The following CRAMP1 variants were observed in gnomAD, a reference collection of about 807,000 sequenced individuals.
CRAMP1 encodes protein cramped-like.
In CRAMP1, 50 loss-of-function variants were observed where a neutral mutation model predicts 115.4. The observed-to-expected ratio is 0.43, with a 90% CI of 0.35 to 0.55. The LOEUF is 0.55. Among genes scored for constraint, CRAMP1 ranks in the 20% least tolerant of loss-of-function variants. The pLI is 0.01. For missense variants in CRAMP1, 1,679 were observed against 1,721.7 expected, an observed-to-expected ratio of 0.98 and a Z score of 0.44; for synonymous variants, 866 against 745.4, an observed-to-expected ratio of 1.16 and a Z score of -2.64.
rs2036927189 is a variant in CRAMP1, at chr16:1,672,025, C to G, written c.3645+1216C>G. On this transcript the variant is annotated intron_variant, in intron 20 of 20. Transcript: ENST00000397412. The surrounding 1 kb of genome is among the most constrained non-coding windows in gnomAD (Gnocchi z 4.9). ...CCGAGAAGCCAGTCTCTGTCTCTTC[C>G]CCTGTTTGTGCGCATGTTCCTAAGT... 6.6e-6 allele frequency among the ~76,000 whole-genome samples: 1 copy of G among 152,190 alleles called. No homozygotes were observed. The highest frequency in any genetic ancestry group is 1.5e-5 in the Non-Finnish European group (1 of 68,036).
Position 1,632,338 on chromosome 16 carries a change from A to G in CRAMP1, c.667A>G (p.Ile223Val). The G allele has an allele frequency of 1.3e-6, 2 of 1,597,834 alleles. No homozygotes were observed. Among genetic ancestry groups the G allele is most frequent in the Non-Finnish European group, 8.5e-7 (1 of 1,172,634 alleles). The stretch of plus-strand genomic sequence containing the variant: ...CTTCTACTACCGCACCTGGCACAAG[A>G]TCACCAAGTACATCGACTTTGATCA... ...RHFYYRTWHK[I>V]TKYIDFDHVF... Residue 223 changes from isoleucine to valine, a missense_variant, in exon 4 of 21, where the codon ATC becomes GTC. Around this residue, in one of 8 missense-constraint regions of CRAMP1, gnomAD observed 44 missense variants for 92.4 expected, o/e 0.48. Coordinates refer to ENST00000397412, the MANE Select transcript of CRAMP1 (RefSeq NM_020825.4).
Position 1,656,353 on chromosome 16 carries a change from C to T in CRAMP1, c.1596C>T (p.Asp532=), listed in dbSNP as rs766512234. The part of the protein sequence containing the change: ...CLEKTPAEGR[D]SPTREPGALP... ...AGAAGACCCCTGCAGAAGGCAGGGA[C>T]AGTCCCACCCGGGAGCCAGGGGCCT... is the stretch of plus-strand genomic sequence containing the variant. The change falls in exon 10 of 21, where the codon GAC becomes GAT. Residue 532 remains aspartate, a synonymous_variant. Coordinates refer to ENST00000397412, the MANE Select transcript of CRAMP1 (RefSeq NM_020825.4). The surrounding 1 kb of genome is among the most constrained non-coding windows in gnomAD (Gnocchi z 5.6). The T allele has an allele frequency of 1.9e-6, 3 of 1,605,422 alleles. No individual in the cohort carries two copies. The South Asian group carries it at 3.3e-5, about 18-fold the overall frequency.
intron 4 of CRAMP1, 94 bp downstream of exon 4, chr16:1,632,459 T>G: frequency 1.6e-6 from 2 of 1,260,376 alleles, no homozygotes; most frequent in Non-Finnish European, 2.2e-6. Context: ...GGACCTGCTT[T>G]CTGGCATTTT....
rs1199275290 is a variant in CRAMP1, at chr16:1,669,900, C to A, written c.3499+735C>A. Among the ~76,000 whole-genome samples the A allele has an allele frequency of 2.0e-5, 3 of 152,200 alleles. No individual in the cohort carries two copies. Among genetic ancestry groups the A allele is most frequent in the African/African-American group, 7.2e-5 (3 of 41,448 alleles). ...GTCTGGGAGGTGCTGAGGGACCCAG[C>A]ACCCTGCAGGCGTTTCCTTTTGTCT... On this transcript the variant is annotated intron_variant, in intron 19 of 20. Transcript: ENST00000397412. The surrounding 1 kb of genome is among the most constrained non-coding windows in gnomAD (Gnocchi z 4.6).
At position 1,666,980 on chromosome 16, in the gene CRAMP1, C is replaced by G. The variant is rs2036881788; in HGVS notation, c.3037-355C>G. ...TTGGCCATTGCTCCTTTCCAAGGCT[C>G]TGAGCACCTGGTTTCTCTGGCCTCC... is the stretch of plus-strand genomic sequence containing the variant. On this transcript the variant is annotated intron_variant, in intron 16 of 20. Coordinates refer to ENST00000397412, the MANE Select transcript of CRAMP1 (RefSeq NM_020825.4). The surrounding 1 kb of genome is among the most constrained non-coding windows in gnomAD (Gnocchi z 5.0). Among the ~76,000 whole-genome samples, 1 of 152,246 alleles carries G rather than the reference C, an allele frequency of 6.6e-6. No homozygotes were observed. The highest frequency in any genetic ancestry group is 2.4e-5 in the African/African-American group (1 of 41,464).
At chr16:1,616,861 C>T (rs2036424735) in intron 2 of CRAMP1, among the ~76,000 whole-genome samples, 1 of 151,408 alleles carries the variant, frequency 6.6e-6, no homozygotes, top group East Asian at 1.9e-4. Context: ...GTCACCCAGG[C>T]TGGAGTGCAG....
chr16:1,632,198 A>C lies in CRAMP1; in HGVS notation c.541-14A>C, dbSNP rs749265867. 6.4e-7 allele frequency: 1 copy of C among 1,551,796 alleles called. No homozygotes were observed. The highest frequency in any genetic ancestry group is 2.0e-5 in the Admixed American group (1 of 50,896). Reference sequence around the variant, plus strand: ...TTTAACCCCTCTACATTTATCATGGAATTTATTTTCCAGCATGGGAAAGAC... The same window carrying C: ...TTTAACCCCTCTACATTTATCATGGCATTTATTTTCCAGCATGGGAAAGAC... On this transcript the variant is annotated splice_polypyrimidine_tract_variant and intron_variant, in intron 3 of 20. Transcript: ENST00000397412.
rs2036552985 is a variant in CRAMP1 at position 1,632,226 on chromosome 16, T to C, written c.555T>C (p.Phe185=). 6.4e-7 allele frequency: 1 copy of C among 1,560,710 alleles called. No homozygotes were observed. The highest frequency in any genetic ancestry group is 8.7e-7 in the Non-Finnish European group (1 of 1,152,672). Residue 185 remains phenylalanine (F), a synonymous_variant, in exon 4 of 21, where the codon TTT becomes TTC. Coordinates refer to ENST00000397412, the MANE Select transcript of CRAMP1 (RefSeq NM_020825.4). ...FEGLYEHGKD[F]EAIQNNIALK... is the part of the protein sequence containing the mutation. ...TTATTTTCCAGCATGGGAAAGACTTTGAAGCGATTCAGAACAACATTGCGC... is the reference window on the plus strand; with the variant it reads ...TTATTTTCCAGCATGGGAAAGACTTCGAAGCGATTCAGAACAACATTGCGC...
At position 1,614,723 on chromosome 16, in the gene CRAMP1, G is replaced by A. The variant is rs2036401668; in HGVS notation, c.84G>A (p.Leu28=). Residue 28 remains leucine (L), a synonymous_variant, in exon 2 of 21, where the codon CTG becomes CTA. Transcript: ENST00000397412. The surrounding 1 kb of genome is among the most constrained non-coding windows in gnomAD (Gnocchi z 4.4). ...AGCGGGCGGCCGATGAGGAGTCCCTGGAAGGAGAAGGGGCCGGCGGCGCAG... is the reference window on the plus strand; with the variant it reads ...AGCGGGCGGCCGATGAGGAGTCCCTAGAAGGAGAAGGGGCCGGCGGCGCAG... ...LGKRAADEES[L]EGEGAGGADA... is the part of the protein sequence containing the mutation. 7.3e-7 allele frequency: 1 copy of A among 1,362,528 alleles called. No homozygotes were observed. Among genetic ancestry groups the A allele is most frequent in the African/African-American group, 1.5e-5 (1 of 66,364 alleles). 84.4% of individuals were successfully genotyped at this position (1,362,528 alleles called of 1,614,324 possible).
At position 1,662,849 on chromosome 16, in the gene CRAMP1, C is replaced by T. The variant is rs151028970; in HGVS notation, c.2670+14C>T. ...CTGGTGGTCCAGGTCAGGGTCTTCT[C>T]AAGTCTGAACGTGTGGCCTCGTGGC... On this transcript the variant is annotated intron_variant, in intron 13 of 20. Coordinates refer to ENST00000397412, the MANE Select transcript of CRAMP1 (RefSeq NM_020825.4). 6.7e-4 allele frequency: 1,077 copies of T among 1,610,744 alleles called. 6 individuals are homozygous for T. In the African/African-American group the frequency reaches 0.012, roughly 19 times the overall value.
chr16:1,627,107 C>T (rs974845657), intron 3 of CRAMP1, among the ~76,000 whole-genome samples: 2 of 151,880 alleles, frequency 1.3e-5, no homozygotes, highest in African/African-American at 4.8e-5. Context: ...GCTTCTTTGG[C>T]ATACAGTATT....
At position 1,614,596 on chromosome 16, in the gene CRAMP1, C is replaced by T. The variant is rs756460271; in HGVS notation, c.-1-43C>T. 8.5e-7 allele frequency: 1 copy of T among 1,177,058 alleles called. No homozygotes were observed. The highest frequency in any genetic ancestry group is 1.1e-6 in the Non-Finnish European group (1 of 938,876). 72.9% of individuals were successfully genotyped at this position (1,177,058 alleles called of 1,614,324 possible). A position where few individuals can be genotyped will look rare whatever the true frequency, so the allele number is the denominator to read the frequency against. On this transcript the variant is annotated intron_variant, in intron 1 of 20. Coordinates refer to ENST00000397412, the MANE Select transcript of CRAMP1 (RefSeq NM_020825.4). The surrounding 1 kb of genome is among the most constrained non-coding windows in gnomAD (Gnocchi z 4.4). ...GCGTCGGGGCCGCTAAACTTCCCGG[C>T]CTGCGCCCGCCTCACCGGCCGCCTC... is the stretch of plus-strand genomic sequence containing the variant.
chr16:1,675,376 C>G lies in CRAMP1; in HGVS notation c.*1331C>G, dbSNP rs1001123548. 1 of 152,534 alleles carries G rather than the reference C, an allele frequency of 6.6e-6. No homozygotes were observed. The highest frequency in any genetic ancestry group is 2.1e-4 in the South Asian group (1 of 4,842). The allele number at this position is 152,534 out of a possible 1,614,324, so 9.4% of individuals were successfully genotyped here. On this transcript the variant is annotated 3_prime_UTR_variant, in exon 21 of 21. Transcript: ENST00000397412. ...TGCCTGTGCCGCCATCTCTCCCTTC[C>G]TGCCTCATTTCATCCCCCGCAGCAG...
chr16:1,635,013 C>T (rs2036576020), intron 4 of CRAMP1, among the ~76,000 whole-genome samples: 1 of 152,190 alleles, frequency 6.6e-6, no homozygotes, highest in African/African-American at 2.4e-5. Flanking sequence ...ATTCTCATGC[C>T]TCAGCCTCCC....
At position 1,649,785 on chromosome 16, in the gene CRAMP1, ATTTTTTTTTTT is replaced by A. The variant is rs35942594; in HGVS notation, c.828-2696_828-2686del. On this transcript the variant is annotated intron_variant, in intron 6 of 20. Coordinates refer to ENST00000397412, the MANE Select transcript of CRAMP1 (RefSeq NM_020825.4). ...CCTACAACAGTAGGCATGAGCCACT[ATTTTTTTTTTT>A]TTTTTTTTTTTTTTGAGATGGAGTT... Among the ~76,000 whole-genome samples, 46 of 65,764 alleles carry A rather than the reference ATTTTTTTTTTT, an allele frequency of 7.0e-4. 1 individual carries two copies. The East Asian group carries it at 0.013, about 19-fold the overall frequency. 43.1% of individuals were successfully genotyped at this position (65,764 alleles called of 152,430 possible).
At chr16:1,643,407 G>C (rs1181596488) in intron 6 of CRAMP1, among the ~76,000 whole-genome samples, 1 of 152,164 alleles carries the variant, frequency 6.6e-6, no homozygotes, top group African/African-American at 2.4e-5. Context: ...TGGGTGTGGT[G>C]GTGCATGCCT....
rs1166325039 is a variant in CRAMP1 at position 1,676,024 on chromosome 16, T to G, written c.*1979T>G. On this transcript the variant is annotated 3_prime_UTR_variant, in exon 21 of 21. Transcript: ENST00000397412. ...GGATACCAGGCCGAGTTCAGGCCAC[T>G]GCTAGCTTTCTCATACTCCCACAGG... The G allele has an allele frequency of 2.0e-5, 3 of 152,306 alleles. No individual in the cohort carries two copies. Among genetic ancestry groups the G allele is most frequent in the African/African-American group, 7.2e-5 (3 of 41,468 alleles). 9.4% of individuals were successfully genotyped at this position (152,306 alleles called of 1,614,324 possible).
At position 1,656,119 on chromosome 16, in the gene CRAMP1, G is replaced by A. The variant is rs779177165; in HGVS notation, c.1362G>A (p.Gln454=). 5.6e-6 allele frequency: 9 copies of A among 1,609,100 alleles called. No homozygotes were observed. The highest frequency in any genetic ancestry group is 6.8e-6 in the Non-Finnish European group (8 of 1,178,602). ...AGATCCTGGGCATCCAGAGTGGGCA[G>A]GGCACGGCCCGGGGCCAGGTGAAAT... The part of the protein sequence containing the change: ...PAQILGIQSG[Q]GTARGQVKCP... The change falls in exon 10 of 21, where the codon CAG becomes CAA. Residue 454 remains glutamine, a synonymous_variant. Transcript: ENST00000397412. This position sits in a 1 kb window ranked among gnomAD's most constrained non-coding sequence, Gnocchi z 5.6.
At chr16:1,652,984 A>G (rs940431807) in intron 7 of CRAMP1, 49 bp from the exon 8 acceptor site, 8 of 1,609,586 alleles carry the variant, frequency 5.0e-6, no homozygotes, top group Middle Eastern at 1.7e-4. Context: ...TTGGTTTTCT[A>G]CCTTAAGGTT....
Sources: gnomAD v4.1 joint callset for allele counts (sites outside exome capture counted in the v4.1 genomes callset) on GRCh38, gnomAD v4.1.1 for gene constraint, gnomAD v4.1.1 regional missense constraint, Gnocchi (gnomAD v3.1) non-coding constraint, MANE v1.5 for transcripts, NCBI Gene and HGNC (gene_info 2026-07-23, HGNC 2026-07-21) for gene names.